PCSK2: variants seen among roughly 807,000 people sequenced by gnomAD.
PCSK2 encodes proprotein convertase subtilisin/kexin type 2.
A neutral mutation model predicts 69.7 loss-of-function variants in PCSK2; 14 were observed. The ratio of observed to expected loss-of-function variants is 0.20; its 90% CI spans 0.13 to 0.31. The LOEUF is 0.31. Ranked by LOEUF, PCSK2 falls within the 10% of genes least tolerant of loss-of-function variation. PCSK2 has a pLI of 1.00. For synonymous variants in PCSK2, 307 were observed against 320.7 expected, an observed-to-expected ratio of 0.96 and a Z score of 0.46; for missense variants, 544 against 842.5, an observed-to-expected ratio of 0.65 and a Z score of 4.39.
At chr20:17,249,834 G>A (rs1218523650) in intron 1 of PCSK2, among the ~76,000 whole-genome samples, 2 of 151,568 alleles carry the variant, frequency 1.3e-5, no homozygotes, top group Admixed American at 1.3e-4. Context: ...GGATTCCAGG[G>A]CTGGGGGGGG....
chr20:17,296,508 T>C (rs1988899435), intron 2 of PCSK2, among the ~76,000 whole-genome samples: 2 of 152,208 alleles, frequency 1.3e-5, no homozygotes, highest in South Asian at 4.1e-4. Context: ...CTGTTTCCTG[T>C]CTTCCAGAAA....
intron 8 of PCSK2, among the ~76,000 whole-genome samples, chr20:17,442,950 A>G (rs1180794173): frequency 4.1e-5 from 6 of 145,512 alleles, no homozygotes; most frequent in Non-Finnish European, 9.0e-5. Context: ...GAAGTGGAAA[A>G]GCTGGAGGAA....
chr20:17,281,665 T>C (rs1016365530), intron 2 of PCSK2, among the ~76,000 whole-genome samples: 1 of 152,216 alleles, frequency 6.6e-6, no homozygotes, highest in Non-Finnish European at 1.5e-5. Context: ...CTCACCTTTA[T>C]GTTTGCTGCC....
At chr20:17,234,703 C>A (rs1482301387) in intron 1 of PCSK2, among the ~76,000 whole-genome samples, 1 of 152,138 alleles carries the variant, frequency 6.6e-6, no homozygotes, top group Non-Finnish European at 1.5e-5. Context: ...AAATCAATTT[C>A]TATTTCAGAA....
intron 11 of PCSK2, among the ~76,000 whole-genome samples, chr20:17,471,869 C>T (rs898938531): frequency 2.0e-5 from 3 of 152,186 alleles, no homozygotes; most frequent in African/African-American, 7.2e-5. Context: ...AATCAACAGC[C>T]GTGGCAATCG....
intron 2 of PCSK2, among the ~76,000 whole-genome samples, chr20:17,328,804 C>G (rs1046605718): frequency 2.9e-4 from 44 of 152,278 alleles, no homozygotes; most frequent in African/African-American, 9.1e-4. Context: ...GAAACTGAAG[C>G]AAAATCACTT....
chr20:17,324,017 A>G (rs1384787007), intron 2 of PCSK2, among the ~76,000 whole-genome samples: 1 of 152,198 alleles, frequency 6.6e-6, no homozygotes, highest in African/African-American at 2.4e-5. Context: ...GAGTTGGTGG[A>G]CAAATACCCC....
At chr20:17,260,711 G>A (rs1987348497) in intron 2 of PCSK2, among the ~76,000 whole-genome samples, 2 of 152,126 alleles carry the variant, frequency 1.3e-5, no homozygotes, top group Non-Finnish European at 2.9e-5. Context: ...GTTTCTACTG[G>A]TGAATCCACA....
chr20:17,281,717 G>A (rs1568583608), intron 2 of PCSK2, among the ~76,000 whole-genome samples: 1 of 152,110 alleles, frequency 6.6e-6, no homozygotes, highest in Non-Finnish European at 1.5e-5. Flanking sequence ...CTGTATGTTA[G>A]CCAAGCAATT....
intron 11 of PCSK2, among the ~76,000 whole-genome samples, chr20:17,468,845 A>T (rs1382375736): frequency 1.3e-5 from 2 of 152,254 alleles, no homozygotes; most frequent in African/African-American, 4.8e-5. Context: ...CCTCCCATGG[A>T]CAAGCATCTT....
At chr20:17,378,702 T>G (rs1600533515) in intron 5 of PCSK2, among the ~76,000 whole-genome samples, 1 of 152,034 alleles carries the variant, frequency 6.6e-6, no homozygotes, top group East Asian at 1.9e-4. Flanking sequence ...GATGGATGGA[T>G]AGTTGGATGG....
intron 5 of PCSK2, among the ~76,000 whole-genome samples, chr20:17,385,503 G>A (rs1395492273): frequency 1.3e-5 from 2 of 152,238 alleles, no homozygotes. Flanking sequence ...GAATCGTCAA[G>A]TAGTTTGAAT....
chr20:17,462,136 T>C (rs1014316216), intron 10 of PCSK2, among the ~76,000 whole-genome samples: 1 of 152,016 alleles, frequency 6.6e-6, no homozygotes, highest in African/African-American at 2.4e-5. Flanking sequence ...GAAAGCTCTA[T>C]TTTTCACCAG....
intron 2 of PCSK2, among the ~76,000 whole-genome samples, chr20:17,287,894 G>A (rs915983046): frequency 6.6e-6 from 1 of 152,192 alleles, no homozygotes; most frequent in African/African-American, 2.4e-5. Flanking sequence ...TGGCCTCGTT[G>A]CCCTTGCCTA....
chr20:17,370,668 C>T (rs1474827584), intron 5 of PCSK2, among the ~76,000 whole-genome samples: 2 of 152,158 alleles, frequency 1.3e-5, no homozygotes, highest in African/African-American at 4.8e-5. Context: ...GGTGCCTTCC[C>T]TACTGAACAT....
At chr20:17,289,698 T>C (rs1988632548) in intron 2 of PCSK2, among the ~76,000 whole-genome samples, 1 of 152,176 alleles carries the variant, frequency 6.6e-6, no homozygotes, top group African/African-American at 2.4e-5. Context: ...TTCAGTGTTT[T>C]GTCTCTATTT....
chr20:17,379,742 T>C (rs2031035901), intron 5 of PCSK2, among the ~76,000 whole-genome samples: 1 of 152,240 alleles, frequency 6.6e-6, no homozygotes, highest in Non-Finnish European at 1.5e-5. Flanking sequence ...GATTGCATTA[T>C]ATGGCAGAGT....
intron 5 of PCSK2, among the ~76,000 whole-genome samples, chr20:17,406,353 A>G (rs1460901498): frequency 6.6e-6 from 1 of 152,214 alleles, no homozygotes; most frequent in African/African-American, 2.4e-5. Flanking sequence ...AAGAATAACA[A>G]CTGTTTGCCT....
At chr20:17,392,306 A>G (rs2031403454) in intron 5 of PCSK2, among the ~76,000 whole-genome samples, 2 of 152,100 alleles carry the variant, frequency 1.3e-5, no homozygotes. Flanking sequence ...TTTTGGGGGG[A>G]AACAGTTCTT....
Sources: allele counts gnomAD v4.1 joint callset (sites outside exome capture counted in the v4.1 genomes callset), GRCh38; gene constraint gnomAD v4.1.1; transcripts MANE v1.5; gene names NCBI Gene and HGNC (gene_info 2026-07-23, HGNC 2026-07-21).